Variants in DYNC2I2 observed in about 807,000 individuals in gnomAD.
DYNC2I2 encodes the protein cytoplasmic dynein 2 intermediate chain 2.
Under a neutral mutation model 52.0 loss-of-function variants are expected in DYNC2I2, and 39 were observed. The observed-to-expected ratio is 0.75, with a 90% confidence interval of 0.58 to 0.98. The LOEUF is 0.98. Among genes scored for constraint, DYNC2I2 ranks in the 50% least tolerant of loss-of-function variants. The pLI is 0.00. For missense variants in DYNC2I2, 743 were observed against 728.4 expected, an observed-to-expected ratio of 1.02 and a Z score of -0.23; for synonymous variants, 359 against 321.1, an observed-to-expected ratio of 1.12 and a Z score of -1.26.
chr9:128,667,697 G>C, the DYNC2I2 span, among the ~76,000 whole-genome samples: 2 of 151,378 alleles, frequency 1.3e-5, no homozygotes, highest in African/African-American at 2.4e-5. Flanking sequence ...AGCTTCACGA[G>C]TTGCTGGGAT....
intron 2 of DYNC2I2, among the ~76,000 whole-genome samples, chr9:128,637,911 A>G (rs1288388535): frequency 6.6e-6 from 1 of 152,070 alleles, no homozygotes; most frequent in Non-Finnish European, 1.5e-5. Context: ...GACGTTTCAG[A>G]TCTGTTGACC....
At chr9:128,672,335 C>T in the DYNC2I2 span, among the ~76,000 whole-genome samples, 1 of 151,842 alleles carries the variant, frequency 6.6e-6, no homozygotes, top group Admixed American at 6.6e-5. Flanking sequence ...GATGTCTTGA[C>T]CTCGTGATCC....
intron 1 of DYNC2I2, among the ~76,000 whole-genome samples, chr9:128,644,680 A>G (rs765244405): frequency 5.9e-5 from 9 of 152,194 alleles, no homozygotes; most frequent in Non-Finnish European, 1.2e-4. Context: ...ACCACGTGTC[A>G]CTGCGCTCTG....
chr9:128,646,803 G>A (rs2132168772), intron 1 of DYNC2I2, among the ~76,000 whole-genome samples: 1 of 151,976 alleles, frequency 6.6e-6, no homozygotes, highest in Non-Finnish European at 1.5e-5. Flanking sequence ...GGCAACATGG[G>A]GAAACCCAGT....
intron 6 of DYNC2I2, 44 bp from the exon 7 acceptor site, chr9:128,634,965 G>C (rs1335828494): frequency 6.2e-7 from 1 of 1,603,314 alleles, no homozygotes; most frequent in East Asian, 2.2e-5. Flanking sequence ...AAGGGCATCA[G>C]ATGGCACTGT....
intron 1 of DYNC2I2, among the ~76,000 whole-genome samples, chr9:128,642,522 G>A (rs1268364719): frequency 1.3e-5 from 2 of 149,864 alleles, no homozygotes; most frequent in African/African-American, 4.9e-5. Flanking sequence ...TGTAATCCCA[G>A]CACTTTGGGA....
chr9:128,665,447 A>G, the DYNC2I2 span, among the ~76,000 whole-genome samples: 3 of 152,124 alleles, frequency 2.0e-5, no homozygotes, highest in East Asian at 1.9e-4. Context: ...TCTCATAAAA[A>G]GTACTTAATC....
the DYNC2I2 span, chr9:128,684,056 AT>A: frequency 4.2e-6 from 6 of 1,420,178 alleles, no homozygotes; most frequent in Non-Finnish European, 5.8e-6. Context: ...ATTTGCAAGG[AT>A]TGACTCTCTG....
chr9:128,668,262 C>A, the DYNC2I2 span, among the ~76,000 whole-genome samples: 1 of 138,214 alleles, frequency 7.2e-6, no homozygotes, highest in African/African-American at 2.5e-5. Context: ...CCCGGCCAGT[C>A]TCGATCTCTT....
At chr9:128,634,972 C>T in intron 6 of DYNC2I2, 51 bp from the exon 7 acceptor site, 2 of 1,601,364 alleles carry the variant, frequency 1.2e-6, no homozygotes, top group East Asian at 2.2e-5. Context: ...TCAGATGGCA[C>T]TGTCCCAACA....
rs71499405 is a variant in DYNC2I2 at position 128,648,265 on chromosome 9, G to A, written c.187-7326C>T. Among the ~76,000 whole-genome samples the A allele has an allele frequency of 3.3e-3, 499 of 151,342 alleles. 3 individuals carry two copies. The highest frequency in any genetic ancestry group is 0.011 in the African/African-American group (467 of 41,254). On this transcript the variant is annotated intron_variant, in intron 1 of 8. Coordinates refer to ENST00000372715, the MANE Select transcript of DYNC2I2 (RefSeq NM_052844.4). ...CTACTAAAAATACAAAAATTAGTCA[G>A]GTATGGTGGCACACGCCTGTAACTC...
intron 1 of DYNC2I2, among the ~76,000 whole-genome samples, chr9:128,654,097 G>A (rs1233272558): frequency 6.6e-6 from 1 of 152,166 alleles, no homozygotes; most frequent in African/African-American, 2.4e-5. Flanking sequence ...ATCATCAATT[G>A]ACCTGCGATA....
chr9:128,641,863 T>A (rs1203408806), intron 1 of DYNC2I2, among the ~76,000 whole-genome samples: 1 of 151,972 alleles, frequency 6.6e-6, no homozygotes, highest in Non-Finnish European at 1.5e-5. Context: ...TTCTCTCTGC[T>A]TGTCTGTGTC....
In DYNC2I2 at chr9:128,633,836, C is replaced by A; in HGVS notation, c.1519G>T (p.Val507Leu). The A allele has an allele frequency of 6.2e-7, 1 of 1,613,644 alleles. No homozygotes were observed. The highest frequency in any genetic ancestry group is 8.5e-7 in the Non-Finnish European group (1 of 1,180,050). ...LLAAGDAQGT[V>L]KVWQLSTEFT... ...TCTGTGCTCAGCTGCCACACCTTCA[C>A]TGTGCCCTGGGCATCGCCCGCAGCC... The change falls in exon 9 of 9, where the codon GTG becomes TTG. Residue 507 changes from valine (V) to leucine (L), a missense_variant. Coordinates refer to ENST00000372715, the MANE Select transcript of DYNC2I2 (RefSeq NM_052844.4).
chr9:128,647,731 C>CAAA (rs35883171), intron 1 of DYNC2I2, among the ~76,000 whole-genome samples: 6 of 73,980 alleles, frequency 8.1e-5, no homozygotes, highest in African/African-American at 1.3e-4. Flanking sequence ...GACTCCATCT[C>CAAA]AAAAAAAAAA....
Position 128,655,542 on chromosome 9 carries a change from A to G in DYNC2I2, c.186+999T>C, listed in dbSNP as rs563957492. 1.1e-4 allele frequency among the ~76,000 whole-genome samples: 16 copies of G among 147,150 alleles called. No individual in the cohort carries two copies. The East Asian group carries it at 3.3e-3, about 30-fold the overall frequency. ...AAAAAAAAAGAGAAAGAAACCAAGT[A>G]GCGCCGAAACCAAGTAGCTGGCACT... On this transcript the variant is annotated intron_variant, in intron 1 of 8. Transcript: ENST00000372715.
At chr9:128,671,865 G>A in the DYNC2I2 span, among the ~76,000 whole-genome samples, 2 of 149,518 alleles carry the variant, frequency 1.3e-5, no homozygotes, top group Non-Finnish European at 2.9e-5. Context: ...GTGTTAGCCA[G>A]GATGGTCTCG....
chr9:128,658,768 C>T (rs1368439631), upstream of DYNC2I2, among the ~76,000 whole-genome samples: 1 of 146,404 alleles, frequency 6.8e-6, no homozygotes. Flanking sequence ...GCTGTGTCAC[C>T]AGGCTGGAGT....
the DYNC2I2 span, among the ~76,000 whole-genome samples, chr9:128,665,168 T>C: frequency 6.6e-6 from 1 of 151,470 alleles, no homozygotes; most frequent in African/African-American, 2.4e-5. Context: ...TTCTCCGGCC[T>C]CAGCCTCCTG....
Sources: gnomAD v4.1 joint callset for allele counts (sites outside exome capture counted in the v4.1 genomes callset) on GRCh38, gnomAD v4.1.1 for gene constraint, MANE v1.5 for transcripts, NCBI Gene and HGNC (gene_info 2026-07-23, HGNC 2026-07-21) for gene names.